The following ZSWIM5 variants were observed in gnomAD, a reference collection of about 807,000 sequenced individuals.
ZSWIM5 encodes the protein zinc finger SWIM-type containing 5.
Under a neutral mutation model 119.6 loss-of-function variants are expected in ZSWIM5, and 55 were observed. The observed-to-expected ratio is 0.46, with a 90% confidence interval of 0.37 to 0.58. The LOEUF (loss-of-function observed/expected upper bound fraction) is 0.58, where lower values mean the gene tolerates loss of function less well. ZSWIM5 is among the 20% of genes least tolerant of loss of function. The probability of loss-of-function intolerance (pLI) is 0.00; values close to 1 mark genes in which losing one functional copy is unlikely to be tolerated. For synonymous variants in ZSWIM5, 537 were observed against 606.9 expected (o/e 0.88, Z 1.69); for missense variants, 1,193 against 1,512.8 (o/e 0.79, Z 3.51).
chr1:45,044,786 TATAA>T lies in ZSWIM5; in HGVS notation c.1433-1395_1433-1392del, dbSNP rs1231362307. On this transcript the variant is annotated intron_variant, in intron 5 of 13. Transcript: ENST00000359600. ...ATATATATATATATAAATATATATA[TATAA>T]ATATATATATATAAATATATATATA... is the stretch of plus-strand genomic sequence containing the variant. 6.2e-3 allele frequency among the ~76,000 whole-genome samples: 17 copies of T among 2,764 alleles called. 6 individuals carry two copies. The highest frequency in any genetic ancestry group is 0.024 in the East Asian group (2 of 82). The allele number at this position is 2,764 out of a possible 152,430, so 1.8% of individuals were successfully genotyped here.
chr1:45,084,635 A>C (rs971017870), intron 2 of ZSWIM5, among the ~76,000 whole-genome samples: 1 of 152,254 alleles, frequency 6.6e-6, no homozygotes, highest in Non-Finnish European at 1.5e-5. Flanking sequence ...GAAATCAGCC[A>C]AAAGAGAGGG....
At chr1:45,070,401 A>G in intron 2 of ZSWIM5, 2 of 1,418,506 alleles carry the variant, frequency 1.4e-6, no homozygotes, top group East Asian at 4.6e-5. Flanking sequence ...TTCGAGCACA[A>G]AGAACGGGAC....
intron 1 of ZSWIM5, among the ~76,000 whole-genome samples, chr1:45,192,622 T>C (rs1035200931): frequency 1.3e-5 from 2 of 152,210 alleles, no homozygotes; most frequent in African/African-American, 4.8e-5. Context: ...TAAAACATGG[T>C]TGTATAAATA....
At chr1:45,029,281 TC>T (rs1644938200) in intron 11 of ZSWIM5, among the ~76,000 whole-genome samples, 1 of 152,232 alleles carries the variant, frequency 6.6e-6, no homozygotes, top group Non-Finnish European at 1.5e-5. Flanking sequence ...TGGAAAAATT[TC>T]CCCATCTTTC....
chr1:45,111,601 G>A (rs1309896106), intron 1 of ZSWIM5, among the ~76,000 whole-genome samples: 1 of 152,252 alleles, frequency 6.6e-6, no homozygotes, highest in Non-Finnish European at 1.5e-5. Flanking sequence ...GAGGCTCTAG[G>A]GGAAAATCTG....
At chr1:45,138,882 C>T (rs1011031697) in intron 1 of ZSWIM5, among the ~76,000 whole-genome samples, 2 of 148,956 alleles carry the variant, frequency 1.3e-5, no homozygotes, top group African/African-American at 5.0e-5. Context: ...TTTCGTTTTT[C>T]TTTTTCTTTT....
intron 2 of ZSWIM5, among the ~76,000 whole-genome samples, chr1:45,079,225 C>T (rs1420929205): frequency 2.0e-5 from 3 of 151,924 alleles, no homozygotes; most frequent in Admixed American, 6.6e-5. Context: ...TCTTATAAAA[C>T]GGCCCCACCC....
intron 1 of ZSWIM5, among the ~76,000 whole-genome samples, chr1:45,176,119 A>C (rs1645979565): frequency 6.7e-6 from 1 of 149,384 alleles, no homozygotes; most frequent in Non-Finnish European, 1.5e-5. Flanking sequence ...AGGCCCTCTC[A>C]GTTAACTGAA....
intron 1 of ZSWIM5, among the ~76,000 whole-genome samples, chr1:45,171,954 C>T (rs1645948328): frequency 6.6e-6 from 1 of 152,042 alleles, no homozygotes; most frequent in African/African-American, 2.4e-5. Flanking sequence ...TGAGACTATT[C>T]AAGTTATACT....
At chr1:45,052,615 C>CA (rs1174383876) in intron 4 of ZSWIM5, among the ~76,000 whole-genome samples, 1 of 151,768 alleles carries the variant, frequency 6.6e-6, no homozygotes, top group Non-Finnish European at 1.5e-5. Flanking sequence ...CCCAAAAATA[C>CA]AAAAAATTAG....
At chr1:45,199,766 C>A (rs1467007648) in intron 1 of ZSWIM5, among the ~76,000 whole-genome samples, 1 of 152,126 alleles carries the variant, frequency 6.6e-6, no homozygotes, top group Non-Finnish European at 1.5e-5. Context: ...TTCCTCCCTA[C>A]CTAAGGAAGG....
At chr1:45,174,729 G>T (rs1434791788) in intron 1 of ZSWIM5, among the ~76,000 whole-genome samples, 1 of 151,986 alleles carries the variant, frequency 6.6e-6, no homozygotes, top group Non-Finnish European at 1.5e-5. Flanking sequence ...CACAGAGCAA[G>T]ATTCTGTCTC....
chr1:45,044,769 A>G (rs868236718), intron 5 of ZSWIM5, among the ~76,000 whole-genome samples: 59 of 5,010 alleles, frequency 0.012, 19 homozygotes, highest in South Asian at 0.041. Flanking sequence ...ATATATATAT[A>G]TATATAAATA....
rs147425486 is a variant in ZSWIM5 at position 45,084,215 on chromosome 1, A to G, written c.952+3666T>C. 6.6e-4 allele frequency among the ~76,000 whole-genome samples: 101 copies of G among 152,186 alleles called. 1 individual carries two copies. In the East Asian group the frequency reaches 8.5e-3, roughly 13 times the overall value. On this transcript the variant is annotated intron_variant, in intron 2 of 13. Coordinates refer to ENST00000359600, the MANE Select transcript of ZSWIM5 (RefSeq NM_020883.2). ...GTGAGCCTCTGCGCCTGGCCTACACACTTTTAAATAACCAGATCTCATGAG... is the reference window on the plus strand; with the variant it reads ...GTGAGCCTCTGCGCCTGGCCTACACGCTTTTAAATAACCAGATCTCATGAG...
chr1:45,160,822 A>AT (rs36092606), intron 1 of ZSWIM5, among the ~76,000 whole-genome samples: 78,646 of 127,034 alleles, frequency 0.62, 24,918 homozygotes, highest in African/African-American at 0.67. Flanking sequence ...TGCCTGGGTA[A>AT]TTTTTTTTTT....
At chr1:45,137,483 G>A (rs1003154094) in intron 1 of ZSWIM5, among the ~76,000 whole-genome samples, 3 of 152,182 alleles carry the variant, frequency 2.0e-5, no homozygotes, top group Admixed American at 2.0e-4. Flanking sequence ...GATCAAGGTT[G>A]GGTATAAAGG....
At chr1:45,200,802 C>T (rs1646153922) in intron 1 of ZSWIM5, among the ~76,000 whole-genome samples, 1 of 152,158 alleles carries the variant, frequency 6.6e-6, no homozygotes, top group Non-Finnish European at 1.5e-5. Context: ...TTAAGCCATA[C>T]TTAATGTAAT....
intron 1 of ZSWIM5, among the ~76,000 whole-genome samples, chr1:45,136,748 G>A (rs1645692817): frequency 6.6e-6 from 1 of 152,112 alleles, no homozygotes; most frequent in Non-Finnish European, 1.5e-5. Context: ...GGATCGAGAT[G>A]ATAAAAATTA....
chr1:45,139,070 C>T lies in ZSWIM5; in HGVS notation c.596-50833G>A, dbSNP rs548320793. ...CTAATTTTTGTATTTTTAGTAGAGA[C>T]GGGGGTTCACCACACTGGCCAGGCT... is the stretch of plus-strand genomic sequence containing the variant. On this transcript the variant is annotated intron_variant, in intron 1 of 13. Transcript: ENST00000359600. 8.5e-4 allele frequency among the ~76,000 whole-genome samples: 129 copies of T among 151,310 alleles called. 1 individual carries two copies. The highest frequency in any genetic ancestry group is 3.1e-3 in the African/African-American group (126 of 41,244).
Sources: gnomAD v4.1 joint callset for allele counts (sites outside exome capture counted in the v4.1 genomes callset) on GRCh38, gnomAD v4.1.1 for gene constraint, MANE v1.5 for transcripts, NCBI Gene and HGNC (gene_info 2026-07-23, HGNC 2026-07-21) for gene names.